Variants in GHR observed in about 807,000 individuals in gnomAD.
GHR encodes the protein GH receptor.
In GHR, 35 loss-of-function variants were observed where a neutral mutation model predicts 67.1. The observed-to-expected ratio is 0.52, with a 90% CI of 0.40 to 0.69. GHR has a LOEUF of 0.69. Among genes scored for constraint, GHR ranks in the 30% least tolerant of loss-of-function variants. The probability of loss-of-function intolerance (pLI) is 0.00; values close to 1 mark genes in which losing one functional copy is unlikely to be tolerated. For synonymous variants in GHR, 272 were observed against 269.1 expected (o/e 1.01, Z -0.10); for missense variants, 792 against 764.6 (o/e 1.04, Z -0.42).
intron 2 of GHR, among the ~76,000 whole-genome samples, chr5:42,624,692 A>G (rs770447754): frequency 2.6e-5 from 4 of 152,152 alleles, no homozygotes; most frequent in Non-Finnish European, 5.9e-5. Flanking sequence ...CCTTTGAACT[A>G]TCAAAACTTT....
intron 1 of GHR, among the ~76,000 whole-genome samples, chr5:42,526,363 C>G (rs953982901): frequency 6.6e-6 from 1 of 152,106 alleles, no homozygotes; most frequent in South Asian, 2.1e-4. Flanking sequence ...ATGTTGGAAG[C>G]TAGCAGAGGT....
intron 3 of GHR, among the ~76,000 whole-genome samples, chr5:42,648,805 G>C (rs1044469608): frequency 6.6e-6 from 1 of 152,042 alleles, no homozygotes; most frequent in Non-Finnish European, 1.5e-5. Context: ...CTGACTGACA[G>C]TTTATATAGC....
At chr5:42,638,791 T>C (rs577070689) in intron 3 of GHR, among the ~76,000 whole-genome samples, 20 of 152,194 alleles carry the variant, frequency 1.3e-4, no homozygotes, top group Admixed American at 3.9e-4. Context: ...GGTTTGTATG[T>C]TTGTGCTTGC....
At chr5:42,701,915 T>C (rs1757949087) in intron 6 of GHR, among the ~76,000 whole-genome samples, 1 of 152,104 alleles carries the variant, frequency 6.6e-6, no homozygotes, top group Non-Finnish European at 1.5e-5. Flanking sequence ...AAGTACTAGA[T>C]AGAATCGTGA....
At chr5:42,709,643 G>A (rs1031676018) in intron 6 of GHR, among the ~76,000 whole-genome samples, 2 of 152,106 alleles carry the variant, frequency 1.3e-5, no homozygotes, top group African/African-American at 4.8e-5. Context: ...TGATCTTGGG[G>A]AATTTACAAT....
At chr5:42,507,716 G>A (rs535297813) in intron 1 of GHR, among the ~76,000 whole-genome samples, 16 of 152,356 alleles carry the variant, frequency 1.1e-4, no homozygotes, top group African/African-American at 3.8e-4. Context: ...AGCTGCAGAA[G>A]AAGGAAACCG....
At chr5:42,446,839 A>T (rs1244846629) in intron 1 of GHR, among the ~76,000 whole-genome samples, 1 of 152,218 alleles carries the variant, frequency 6.6e-6, no homozygotes, top group Non-Finnish European at 1.5e-5. Flanking sequence ...GAGAATACTT[A>T]AAGTGCAGAC....
intron 1 of GHR, among the ~76,000 whole-genome samples, chr5:42,457,195 G>A (rs1744298707): frequency 6.6e-6 from 1 of 152,178 alleles, no homozygotes; most frequent in Non-Finnish European, 1.5e-5. Context: ...GAAAAAGGCT[G>A]AGTGTGTGGT....
intron 2 of GHR, among the ~76,000 whole-genome samples, chr5:42,570,969 G>A (rs148794204): frequency 3.9e-5 from 6 of 152,208 alleles, no homozygotes; most frequent in Non-Finnish European, 7.4e-5. Flanking sequence ...TCACAAACAC[G>A]GGGATGTTAA....
At chr5:42,672,616 A>C (rs1756372791) in intron 3 of GHR, among the ~76,000 whole-genome samples, 1 of 152,274 alleles carries the variant, frequency 6.6e-6, no homozygotes, top group East Asian at 1.9e-4. Flanking sequence ...AGAAGAATGA[A>C]ACTGGACCCC....
intron 3 of GHR, among the ~76,000 whole-genome samples, chr5:42,655,556 G>A (rs1755213472): frequency 6.6e-6 from 1 of 151,962 alleles, no homozygotes. Context: ...ACTAAAATTT[G>A]TATTCTACAT....
chr5:42,488,761 T>G (rs1325085648), intron 1 of GHR, among the ~76,000 whole-genome samples: 3 of 152,218 alleles, frequency 2.0e-5, no homozygotes, highest in Admixed American at 6.5e-5. Context: ...AGCACATACA[T>G]ACTTGACCCA....
At chr5:42,514,358 T>G in intron 1 of GHR, 4 of 977,032 alleles carry the variant, frequency 4.1e-6, no homozygotes, top group Non-Finnish European at 4.9e-6. Flanking sequence ...GCTCCTCTGA[T>G]AACCAGGTCT....
Position 42,507,253 on chromosome 5 carries a change from A to G in GHR, c.-11-58611A>G, listed in dbSNP as rs546591880. Among the ~76,000 whole-genome samples, 118 of 152,362 alleles carry G rather than the reference A, an allele frequency of 7.7e-4. 3 individuals carry two copies. Among genetic ancestry groups the G allele is most frequent in the East Asian group, 1.5e-3 (8 of 5,192 alleles). On this transcript the variant is annotated intron_variant, in intron 1 of 9. Coordinates refer to ENST00000230882, the MANE Select transcript of GHR (RefSeq NM_000163.5). ...AAATATTTCAGTGAAGGTTACCATT[A>G]GTCGTTGTAAGTATCCCTTGATTCA...
At chr5:42,463,809 C>T (rs1744592890) in intron 1 of GHR, among the ~76,000 whole-genome samples, 2 of 150,930 alleles carry the variant, frequency 1.3e-5, no homozygotes, top group African/African-American at 4.9e-5. Context: ...CCGGCTAAAA[C>T]GGTGAAACCC....
intron 1 of GHR, among the ~76,000 whole-genome samples, chr5:42,538,489 G>A (rs186104189): frequency 6.6e-6 from 1 of 152,294 alleles, no homozygotes; most frequent in East Asian, 1.9e-4. Flanking sequence ...GTTTGAGGAG[G>A]CTGAAGATAG....
intron 1 of GHR, among the ~76,000 whole-genome samples, chr5:42,558,767 A>C (rs1488686484): frequency 2.0e-5 from 3 of 152,232 alleles, no homozygotes; most frequent in Non-Finnish European, 4.4e-5. Context: ...GAACCATGGA[A>C]TTGCCTAATG....
At chr5:42,635,495 T>A (rs941398023) in intron 3 of GHR, among the ~76,000 whole-genome samples, 1 of 152,232 alleles carries the variant, frequency 6.6e-6, no homozygotes, top group Admixed American at 6.5e-5. Flanking sequence ...CAACAGTCTT[T>A]ACTTATATGG....
chr5:42,476,884 A>T (rs1745350749), intron 1 of GHR, among the ~76,000 whole-genome samples: 1 of 152,036 alleles, frequency 6.6e-6, no homozygotes, highest in African/African-American at 2.4e-5. Context: ...TTTTTAAAAA[A>T]TTTTATTATT....
Sources: allele counts gnomAD v4.1 joint callset (sites outside exome capture counted in the v4.1 genomes callset), GRCh38; gene constraint gnomAD v4.1.1; transcripts MANE v1.5; gene names NCBI Gene and HGNC (gene_info 2026-07-23, HGNC 2026-07-21).